The following FAM240C variants were observed in gnomAD, a reference collection of about 807,000 sequenced individuals.
The protein encoded by FAM240C is protein FAM240C.
Under a neutral mutation model 10.0 loss-of-function variants are expected in FAM240C, and 14 were observed. The observed-to-expected ratio is 1.40, with a 90% confidence interval of 0.92 to 2.19. FAM240C has a LOEUF of 2.19. Among genes scored for constraint, FAM240C ranks in the 30% most tolerant of loss-of-function variants. FAM240C has a pLI of 0.00. For synonymous variants in FAM240C, 49 were observed against 44.3 expected (o/e 1.11, Z -0.42); for missense variants, 154 against 122.3 (o/e 1.26, Z -1.22).
intron 2 of FAM240C, among the ~76,000 whole-genome samples, chr2:241,894,966 G>A (rs886791400): frequency 6.6e-6 from 1 of 152,212 alleles, no homozygotes; most frequent in African/African-American, 2.4e-5. Flanking sequence ...GGCTCCCCGA[G>A]ACCTGGGCAG....
At position 241,894,303 on chromosome 2, in the gene FAM240C, C is replaced by G. The variant is rs1477679774; in HGVS notation, c.198G>C (p.Arg66Ser). 2 of 1,549,284 alleles carry G rather than the reference C, an allele frequency of 1.3e-6. No individual in the cohort carries two copies. Among genetic ancestry groups the G allele is most frequent in the Admixed American group, 3.9e-5 (2 of 51,002 alleles). The change falls in exon 3 of 3, where the codon AGG becomes AGC. Residue 66 changes from arginine to serine, a missense_variant. Transcript: ENST00000404031. ...TCCCTGGGCCCTGCAGCATCTTGTT[C>G]CTCCCCTCCAGCTGCTCAGCCCATC... ...RVGWAEQLEG[R>S]NKMLQGPGRC...
In FAM240C at chr2:241,894,066, G is replaced by A; in HGVS notation, c.*147C>T. The A allele has an allele frequency of 1.1e-6, 1 of 883,112 alleles. No homozygotes were observed. The highest frequency in any genetic ancestry group is 1.7e-6 in the Non-Finnish European group (1 of 599,906). 54.7% of individuals were successfully genotyped at this position (883,112 alleles called of 1,614,324 possible). On this transcript the variant is annotated 3_prime_UTR_variant, in exon 3 of 3. Transcript: ENST00000404031. ...ACTCTGCTGCAGCGTGGACCCCGAG[G>A]TGGGATTATTACGGGGTCAGCGAGG...
upstream of FAM240C, among the ~76,000 whole-genome samples, chr2:241,901,360 C>T (rs571082996): frequency 2.6e-5 from 4 of 152,338 alleles, no homozygotes; most frequent in Admixed American, 2.6e-4. The surrounding 1 kb of genome is among the most constrained non-coding windows in gnomAD (Gnocchi z 4.9). Flanking sequence ...TCCCGGGTCA[C>T]TTGCTTCTTT....
chr2:241,896,709 GTGT>G (rs1209924211), intron 2 of FAM240C, among the ~76,000 whole-genome samples: 12 of 26,326 alleles, frequency 4.6e-4, no homozygotes, highest in Non-Finnish European at 5.9e-4. Context: ...TGGGGTGTGG[GTGT>G]TGGGGGTGTG....
At chr2:241,896,497 G>T (rs1401175996) in intron 2 of FAM240C, among the ~76,000 whole-genome samples, 1 of 103,528 alleles carries the variant, frequency 9.7e-6, no homozygotes, top group African/African-American at 3.4e-5. Context: ...AGGGGGTGTG[G>T]GTGAAGGGGG....
chr2:241,899,222 G>A (rs1455435803), intron 1 of FAM240C: 3 of 1,303,548 alleles, frequency 2.3e-6, no homozygotes, highest in South Asian at 2.5e-5. Flanking sequence ...CTGGCTGGGG[G>A]CTTCCAGCTG....
chr2:241,898,816 C>T (rs1701912377), intron 1 of FAM240C, among the ~76,000 whole-genome samples: 2 of 152,116 alleles, frequency 1.3e-5, no homozygotes, highest in Admixed American at 6.5e-5. Context: ...GGGTGCAAGG[C>T]GGTGGGTCTC....
chr2:241,898,508 C>T (rs1701904660), intron 1 of FAM240C, among the ~76,000 whole-genome samples: 1 of 152,266 alleles, frequency 6.6e-6, no homozygotes, highest in Admixed American at 6.5e-5. Context: ...GATGAGATTG[C>T]AGCACTGCAC....
chr2:241,901,969 G>A (rs1460303231), upstream of FAM240C, among the ~76,000 whole-genome samples: 1 of 152,146 alleles, frequency 6.6e-6, no homozygotes. The surrounding 1 kb of genome is among the most constrained non-coding windows in gnomAD (Gnocchi z 4.9). Flanking sequence ...GCGGAGGGAC[G>A]GCAGGGCGCC....
chr2:241,900,455 G>A lies in FAM240C; in HGVS notation c.-86C>T, dbSNP rs1039978416. The A allele has an allele frequency of 8.5e-6, 6 of 706,824 alleles. No homozygotes were observed. Among genetic ancestry groups the A allele is most frequent in the East Asian group, 8.1e-5 (3 of 37,092 alleles). 43.8% of individuals were successfully genotyped at this position (706,824 alleles called of 1,614,324 possible). On this transcript the variant is annotated 5_prime_UTR_variant, in exon 1 of 3. Coordinates refer to ENST00000404031, the MANE Select transcript of FAM240C (RefSeq NM_001382368.1). The surrounding 1 kb of genome is among the most constrained non-coding windows in gnomAD (Gnocchi z 4.5). The stretch of plus-strand genomic sequence containing the variant: ...GGTGCACGCCTGTATCTCGCCTGCC[G>A]CTCTCTGTTACATGGGCTCAGTGAC...
chr2:241,898,010 C>CAGGTGTG (rs1701894939), intron 1 of FAM240C, among the ~76,000 whole-genome samples: 1 of 152,196 alleles, frequency 6.6e-6, no homozygotes, highest in South Asian at 2.1e-4. Context: ...GCTGGGACTA[C>CAGGTGTG]AGGTGTGAGC....
rs1701726399 is a variant in FAM240C, at chr2:241,894,026, C to G, written c.*187G>C. The stretch of plus-strand genomic sequence containing the variant: ...GGTTTTATTGGGCACCAGAGATGCG[C>G]TAGAGAACCCTGGGACTCTGCTGCA... On this transcript the variant is annotated 3_prime_UTR_variant, in exon 3 of 3. Transcript: ENST00000404031. 3.7e-6 allele frequency: 2 copies of G among 536,458 alleles called. No homozygotes were observed. The highest frequency in any genetic ancestry group is 3.2e-5 in the Admixed American group (1 of 30,988). The allele number at this position is 536,458 out of a possible 1,614,324, so 33.2% of individuals were successfully genotyped here.
chr2:241,901,547 C>T (rs1559470922), upstream of FAM240C, among the ~76,000 whole-genome samples: 1 of 152,076 alleles, frequency 6.6e-6, no homozygotes, highest in Non-Finnish European at 1.5e-5. The surrounding 1 kb of genome is among the most constrained non-coding windows in gnomAD (Gnocchi z 4.9). Context: ...TTTCCCGAGT[C>T]CTGGCGTGTG....
chr2:241,900,545 G>C (rs1202855137), upstream of FAM240C: 8 of 605,714 alleles, frequency 1.3e-5, no homozygotes, highest in Admixed American at 1.4e-4. The surrounding 1 kb of genome is among the most constrained non-coding windows in gnomAD (Gnocchi z 4.5). Context: ...CACCGTCCCT[G>C]GCAGAGCTGT....
At chr2:241,902,029 C>T (rs1575423297), upstream of FAM240C, among the ~76,000 whole-genome samples, 4 of 152,374 alleles carry the variant, frequency 2.6e-5, no homozygotes, top group South Asian at 8.3e-4. This position sits in a 1 kb window ranked among gnomAD's most constrained non-coding sequence, Gnocchi z 7.1. Flanking sequence ...GGAGCGCATT[C>T]TGATCTCCCC....
At position 241,900,231 on chromosome 2, in the gene FAM240C, C is replaced by G. The variant is rs78173981; in HGVS notation, c.12+127G>C. 1.7e-5 allele frequency: 11 copies of G among 654,846 alleles called. No individual in the cohort carries two copies. The highest frequency in any genetic ancestry group is 2.8e-5 in the East Asian group (1 of 36,224). 40.6% of individuals were successfully genotyped at this position (654,846 alleles called of 1,614,324 possible). ...AAATTACAAAGTTCAGTTCCCCCAG[C>G]GAAATGCGGGTGGGCTCACGTCTTG... On this transcript the variant is annotated intron_variant, in intron 1 of 2. Coordinates refer to ENST00000404031, the MANE Select transcript of FAM240C (RefSeq NM_001382368.1). The surrounding 1 kb of genome is among the most constrained non-coding windows in gnomAD (Gnocchi z 4.5).
At position 241,900,429 on chromosome 2, in the gene FAM240C, G is replaced by A. The variant is rs1457239278; in HGVS notation, c.-60C>T. Reference sequence around the variant, plus strand: ...GAGGGTCCTCAGCCTGTCCTCTCCGGGGTGCACGCCTGTATCTCGCCTGCC... The same window carrying A: ...GAGGGTCCTCAGCCTGTCCTCTCCGAGGTGCACGCCTGTATCTCGCCTGCC... On this transcript the variant is annotated 5_prime_UTR_variant, in exon 1 of 3. Coordinates refer to ENST00000404031, the MANE Select transcript of FAM240C (RefSeq NM_001382368.1). The surrounding 1 kb of genome is among the most constrained non-coding windows in gnomAD (Gnocchi z 4.5). The A allele has an allele frequency of 1.4e-6, 1 of 716,158 alleles. No individual in the cohort carries two copies. The highest frequency in any genetic ancestry group is 2.7e-5 in the East Asian group (1 of 37,272). The allele number at this position is 716,158 out of a possible 1,614,324, so 44.4% of individuals were successfully genotyped here.
Position 241,894,356 on chromosome 2 carries a change from A to C in FAM240C, c.162-17T>G, listed in dbSNP as rs1288773186. ...ACGCGGAGCCTGGGGCAGGGCGATA[A>C]TTTCGGCATTGTGAGTCAAGCTCTC... On this transcript the variant is annotated splice_polypyrimidine_tract_variant and intron_variant, in intron 2 of 2. Coordinates refer to ENST00000404031, the MANE Select transcript of FAM240C (RefSeq NM_001382368.1). 2 of 1,532,112 alleles carry C rather than the reference A, an allele frequency of 1.3e-6. No homozygotes were observed. The highest frequency in any genetic ancestry group is 1.8e-6 in the Non-Finnish European group (2 of 1,137,456). 94.9% of individuals were successfully genotyped at this position (1,532,112 alleles called of 1,614,324 possible). A position where few individuals can be genotyped will look rare whatever the true frequency, so the allele number is the denominator to read the frequency against.
intron 1 of FAM240C, 112 bp from the exon 2 acceptor site, chr2:241,897,446 G>A (rs1701879575): frequency 1.5e-6 from 2 of 1,316,368 alleles, no homozygotes; most frequent in East Asian, 5.1e-5. Flanking sequence ...CAGCATCGTG[G>A]TCCCCGCCTT....
Sources: gnomAD v4.1 joint callset for allele counts (sites outside exome capture counted in the v4.1 genomes callset) on GRCh38, gnomAD v4.1.1 for gene constraint, Gnocchi (gnomAD v3.1) non-coding constraint, MANE v1.5 for transcripts, NCBI Gene and HGNC (gene_info 2026-07-23, HGNC 2026-07-21) for gene names.